SEPSECS: variants seen among roughly 807,000 people sequenced by gnomAD.
The protein encoded by SEPSECS is O-phosphoseryl-tRNA(Sec) selenium transferase.
SEPSECS carries 42 observed loss-of-function variants against 52.1 expected under a neutral mutation model. That is an observed-to-expected ratio of 0.81 (90% CI 0.63 to 1.04). The LOEUF (loss-of-function observed/expected upper bound fraction) is 1.04. Among genes scored for constraint, SEPSECS ranks in the 50% least tolerant of loss-of-function variants. The pLI, the probability that SEPSECS is intolerant of heterozygous loss-of-function variation, is 0.00. For synonymous variants in SEPSECS, 216 were observed against 211.4 expected, an observed-to-expected ratio of 1.02 and a Z score of -0.19; for missense variants, 590 against 610.6, an observed-to-expected ratio of 0.97 and a Z score of 0.36.
chr4:25,129,708 C>A (rs971055966), intron 8 of SEPSECS, among the ~76,000 whole-genome samples: 1 of 152,008 alleles, frequency 6.6e-6, no homozygotes, highest in Non-Finnish European at 1.5e-5. Flanking sequence ...TATTCCCATA[C>A]TACGAAAGGT....
At chr4:25,134,124 CAAAAAAAAAAAAAAAA>C (rs34672005) in intron 8 of SEPSECS, among the ~76,000 whole-genome samples, 1 of 13,164 alleles carries the variant, frequency 7.6e-5, no homozygotes, top group African/African-American at 2.8e-4. Flanking sequence ...GACCCCATCT[CAAAAAAAAAAAAAAAA>C]AAAAAAAAAA....
rs1728061571 is a variant in SEPSECS, at chr4:25,120,187, G to A, written c.*3744C>T. The A allele has an allele frequency of 6.6e-6, 1 of 152,050 alleles. No individual in the cohort carries two copies. Among genetic ancestry groups the A allele is most frequent in the South Asian group, 2.1e-4 (1 of 4,824 alleles). 9.4% of individuals were successfully genotyped at this position (152,050 alleles called of 1,614,324 possible). A position where few individuals can be genotyped will look rare whatever the true frequency, so the allele number is the denominator to read the frequency against. ...AAATCCCCCACGGTTATACAGTTAA[G>A]CATAGCCTTTCTTTGTATTTCTCAA... On this transcript the variant is annotated 3_prime_UTR_variant, in exon 11 of 11. Transcript: ENST00000382103.
rs746824533 is a variant in SEPSECS, at chr4:25,145,115, T to C, written c.823A>G (p.Ile275Val). The C allele has an allele frequency of 6.2e-7, 1 of 1,613,940 alleles. No homozygotes were observed. Among genetic ancestry groups the C allele is most frequent in the Non-Finnish European group, 8.5e-7 (1 of 1,179,910 alleles). The change falls in exon 7 of 11, where the codon ATA (isoleucine) becomes GTA (valine). Residue 275 changes from isoleucine to valine, a missense_variant. Ile to Val is a conservative substitution (Grantham distance 29, BLOSUM62 3). Transcript: ENST00000382103. The stretch of plus-strand genomic sequence containing the variant: ...TCCAAGCTCTGAACAAAAGCATCTA[T>C]TCTACCAACTCGAGCCCCCTGGAAT... ...LIQQGARVGR[I>V]DAFVQSLDKN...
intron 8 of SEPSECS, among the ~76,000 whole-genome samples, chr4:25,133,549 T>C (rs1194637443): frequency 6.6e-6 from 1 of 152,134 alleles, no homozygotes; most frequent in East Asian, 1.9e-4. Flanking sequence ...CATCTACAAG[T>C]AGTCAAAAAT....
At chr4:25,135,423 T>C (rs1728803718) in intron 8 of SEPSECS, among the ~76,000 whole-genome samples, 1 of 152,046 alleles carries the variant, frequency 6.6e-6, no homozygotes, top group Non-Finnish European at 1.5e-5. Context: ...TATCAGAGAA[T>C]ACTATAAACA....
chr4:25,145,155 A>G lies in SEPSECS; in HGVS notation c.805-22T>C, dbSNP rs748857726. The G allele has an allele frequency of 1.9e-6, 3 of 1,613,098 alleles. No homozygotes were observed. In the Admixed American group the frequency reaches 5.0e-5, roughly 27 times the overall value. ...CCCCCTGGAATCAATATGATATTAC[A>G]TATTAGTTGCTAGGAAAACAGACAA... On this transcript the variant is annotated intron_variant, in intron 6 of 10. Coordinates refer to ENST00000382103, the MANE Select transcript of SEPSECS (RefSeq NM_016955.4).
At chr4:25,124,579 G>T (rs1175932683) in intron 10 of SEPSECS, among the ~76,000 whole-genome samples, 1 of 152,046 alleles carries the variant, frequency 6.6e-6, no homozygotes, top group Non-Finnish European at 1.5e-5. Flanking sequence ...GAGGTAAAAA[G>T]AAAATGATTT....
intron 1 of SEPSECS, chr4:25,159,759 G>A (rs979652926): frequency 3.8e-6 from 4 of 1,041,710 alleles, no homozygotes; most frequent in Admixed American, 9.8e-5. Flanking sequence ...GCGAAAGAGC[G>A]AGACTCTGTT....
intron 6 of SEPSECS, among the ~76,000 whole-genome samples, chr4:25,149,936 G>A (rs549602087): frequency 6.6e-6 from 1 of 152,248 alleles, no homozygotes; most frequent in Admixed American, 6.5e-5. Context: ...AACACACCAT[G>A]CCTACAACCC....
chr4:25,129,779 A>G (rs929449472), intron 8 of SEPSECS, among the ~76,000 whole-genome samples: 2 of 152,152 alleles, frequency 1.3e-5, no homozygotes, highest in East Asian at 1.9e-4. Context: ...AGAACAACTC[A>G]TAATTTTTTA....
chr4:25,130,678 A>T (rs1460331065), intron 8 of SEPSECS, among the ~76,000 whole-genome samples: 1 of 152,204 alleles, frequency 6.6e-6, no homozygotes, highest in Non-Finnish European at 1.5e-5. Flanking sequence ...AAAGCACAAT[A>T]GGCTGAATTC....
intron 8 of SEPSECS, among the ~76,000 whole-genome samples, chr4:25,144,463 C>CTACCTTTAAG (rs1488219028): frequency 6.6e-6 from 1 of 151,690 alleles, no homozygotes; most frequent in Non-Finnish European, 1.5e-5. Context: ...TTAAGAGCTT[C>CTACCTTTAAG]TACCTTTAAG....
chr4:25,159,615 T>C lies in SEPSECS; in HGVS notation c.115-508A>G, dbSNP rs182096218. The C allele has an allele frequency of 1.3e-3, 501 of 387,106 alleles. 4 individuals are homozygous for C. Among genetic ancestry groups the C allele is most frequent in the African/African-American group, 9.9e-3 (454 of 46,048 alleles). The allele number at this position is 387,106 out of a possible 1,614,324, so 24.0% of individuals were successfully genotyped here. A position where few individuals can be genotyped will look rare whatever the true frequency, so the allele number is the denominator to read the frequency against. ...GGTGAAACCCCATCTCTACTAAAAA[T>C]ACAAACATTAACCGGGTGTGGTGGC... On this transcript the variant is annotated intron_variant, in intron 1 of 10. Coordinates refer to ENST00000382103, the MANE Select transcript of SEPSECS (RefSeq NM_016955.4).
intron 5 of SEPSECS, among the ~76,000 whole-genome samples, chr4:25,152,946 T>C (rs1712395538): frequency 6.6e-6 from 1 of 151,998 alleles, no homozygotes. Context: ...ATACTTCAAA[T>C]ATATAGTTTG....
intron 8 of SEPSECS, among the ~76,000 whole-genome samples, chr4:25,142,341 AC>A (rs1711612081): frequency 6.6e-6 from 1 of 151,718 alleles, no homozygotes; most frequent in African/African-American, 2.4e-5. Context: ...ATCAGTTCCC[AC>A]CACCACCTCA....
chr4:25,123,926 G>C lies in SEPSECS; in HGVS notation c.*5C>G. ...TCAAATGATCAAGAAGAAACCCTTC[G>C]CATGTCATGAAGAAGCATCCTGGTA... is the stretch of plus-strand genomic sequence containing the variant. On this transcript the variant is annotated 3_prime_UTR_variant, in exon 11 of 11. Transcript: ENST00000382103. The C allele has an allele frequency of 2.5e-6, 4 of 1,610,322 alleles. No individual in the cohort carries two copies. The highest frequency in any genetic ancestry group is 2.5e-6 in the Non-Finnish European group (3 of 1,176,784).
chr4:25,153,486 A>C (rs1304256661), intron 5 of SEPSECS, among the ~76,000 whole-genome samples: 1 of 151,910 alleles, frequency 6.6e-6, no homozygotes, highest in African/African-American at 2.4e-5. Flanking sequence ...AATATTTTTC[A>C]TATGTATCAA....
At chr4:25,140,937 A>G (rs992052492) in intron 8 of SEPSECS, among the ~76,000 whole-genome samples, 1 of 151,282 alleles carries the variant, frequency 6.6e-6, no homozygotes, top group Non-Finnish European at 1.5e-5. Context: ...AAAAAATTGC[A>G]TCTGTGCTGA....
At chr4:25,147,011 C>A (rs1712001791) in intron 6 of SEPSECS, among the ~76,000 whole-genome samples, 1 of 152,230 alleles carries the variant, frequency 6.6e-6, no homozygotes, top group Non-Finnish European at 1.5e-5. Context: ...CACCTCAAAG[C>A]TCTACAACCA....
Sources: allele counts gnomAD v4.1 joint callset (sites outside exome capture counted in the v4.1 genomes callset), GRCh38; gene constraint gnomAD v4.1.1; transcripts MANE v1.5; gene names NCBI Gene and HGNC (gene_info 2026-07-23, HGNC 2026-07-21).